Variants in EPS15 observed in about 807,000 individuals in gnomAD.
EPS15 encodes the protein epidermal growth factor receptor pathway substrate 15.
In EPS15, 72 loss-of-function variants were observed where a neutral mutation model predicts 113.8. That is an observed-to-expected ratio of 0.63 (90% CI 0.52 to 0.77). The LOEUF (loss-of-function observed/expected upper bound fraction) is 0.77. EPS15 is among the 30% of genes least tolerant of loss of function. EPS15 has a pLI of 0.00. For missense variants in EPS15, 1,048 were observed against 1,045.8 expected, an observed-to-expected ratio of 1.00 and a Z score of -0.03; for synonymous variants, 344 against 363.4, an observed-to-expected ratio of 0.95 and a Z score of 0.61.
intron 21 of EPS15, among the ~76,000 whole-genome samples, chr1:51,368,123 C>T (rs1646548521): frequency 6.6e-6 from 1 of 152,256 alleles, no homozygotes; most frequent in East Asian, 1.9e-4. Context: ...CAGAGCAAGA[C>T]TCCGTCTCAA....
chr1:51,356,513 T>C lies in EPS15; in HGVS notation c.*187A>G, dbSNP rs936348626. 2 of 464,006 alleles carry C rather than the reference T, an allele frequency of 4.3e-6. No individual in the cohort carries two copies. Among genetic ancestry groups the C allele is most frequent in the Non-Finnish European group, 7.2e-6 (2 of 277,842 alleles). The allele number at this position is 464,006 out of a possible 1,614,324, so 28.7% of individuals were successfully genotyped here. ...TTGTCTGACTGGGTTACGGCTTTTA[T>C]AAGAAAAAAAAAAAAAGACGAATCT... On this transcript the variant is annotated 3_prime_UTR_variant, in exon 25 of 25. Transcript: ENST00000371733.
At chr1:51,444,746 C>CAA (rs1333685761) in intron 11 of EPS15, 143 bp downstream of exon 11, 2 of 723,772 alleles carry the variant, frequency 2.8e-6, no homozygotes, top group African/African-American at 3.6e-5. Context: ...TTTATAGGCA[C>CAA]AAACTAAACC....
At chr1:51,508,290 A>AAGAGAGAG (rs375226658) in intron 1 of EPS15, among the ~76,000 whole-genome samples, 5 of 134,084 alleles carry the variant, frequency 3.7e-5, no homozygotes, top group Non-Finnish European at 5.0e-5. Context: ...GAAAGAGAGA[A>AAGAGAGAG]AGAGAGAGAG....
At chr1:51,507,072 G>C (rs1293163190) in intron 1 of EPS15, among the ~76,000 whole-genome samples, 1 of 152,088 alleles carries the variant, frequency 6.6e-6, no homozygotes, top group Non-Finnish European at 1.5e-5. Context: ...CCTTGCTGCT[G>C]TCTGCTTTAC....
chr1:51,480,838 AGGC>A (rs1644008190), intron 2 of EPS15, among the ~76,000 whole-genome samples: 1 of 152,162 alleles, frequency 6.6e-6, no homozygotes, highest in Non-Finnish European at 1.5e-5. Context: ...ATCTGACCAG[AGGC>A]TGTATATCTG....
At chr1:51,432,084 C>T (rs1651777998) in intron 12 of EPS15, among the ~76,000 whole-genome samples, 1 of 152,056 alleles carries the variant, frequency 6.6e-6, no homozygotes. Context: ...TCCAGTATGT[C>T]GGCAGAGACT....
At chr1:51,413,045 G>C (rs1649877843) in intron 13 of EPS15, among the ~76,000 whole-genome samples, 1 of 152,094 alleles carries the variant, frequency 6.6e-6, no homozygotes, top group African/African-American at 2.4e-5. Context: ...TTCAGTTCTG[G>C]GTTCTACCTT....
intron 13 of EPS15, among the ~76,000 whole-genome samples, chr1:51,411,028 T>C (rs1649670685): frequency 6.6e-6 from 1 of 152,168 alleles, no homozygotes; most frequent in Non-Finnish European, 1.5e-5. Flanking sequence ...AAGCTATGGA[T>C]TCAAAGTGGG....
chr1:51,453,658 T>A (rs1570339971), intron 8 of EPS15, among the ~76,000 whole-genome samples: 1 of 152,082 alleles, frequency 6.6e-6, no homozygotes, highest in African/African-American at 2.4e-5. Flanking sequence ...GTATAAAAAA[T>A]TTTATTAATA....
chr1:51,517,664 T>G (rs910559588), intron 1 of EPS15, among the ~76,000 whole-genome samples: 3 of 152,126 alleles, frequency 2.0e-5, no homozygotes, highest in Admixed American at 6.5e-5. Flanking sequence ...TTGTTCAAAT[T>G]TGAGTTTTGG....
At chr1:51,463,470 C>G (rs1459868487) in intron 7 of EPS15, 2 of 418,564 alleles carry the variant, frequency 4.8e-6, no homozygotes, top group Non-Finnish European at 8.5e-6. Context: ...ATTTCAACCA[C>G]TCATTTTTAC....
chr1:51,378,683 A>G (rs1646861034), intron 21 of EPS15, among the ~76,000 whole-genome samples: 1 of 152,224 alleles, frequency 6.6e-6, no homozygotes, highest in African/African-American at 2.4e-5. Context: ...ACGAATACAT[A>G]TAATTAACGA....
chr1:51,501,709 T>G (rs941008296), intron 1 of EPS15, among the ~76,000 whole-genome samples: 14 of 151,912 alleles, frequency 9.2e-5, no homozygotes, highest in African/African-American at 3.1e-4. Flanking sequence ...AAACTCCTGA[T>G]CTCAGGTGAT....
intron 21 of EPS15, among the ~76,000 whole-genome samples, chr1:51,381,797 C>T (rs956546917): frequency 3.3e-5 from 5 of 151,972 alleles, no homozygotes; most frequent in East Asian, 1.9e-4. Flanking sequence ...CCAAAACTAA[C>T]GGGATATAGC....
intron 18 of EPS15, chr1:51,401,233 C>T (rs1648522040): frequency 3.9e-6 from 1 of 256,814 alleles, no homozygotes; most frequent in African/African-American, 2.2e-5. Context: ...AGGGTATTAT[C>T]ATCACCAGTT....
At chr1:51,408,489 G>GA (rs1649355898) in intron 14 of EPS15, among the ~76,000 whole-genome samples, 157 bp from the exon 15 acceptor site, 1 of 152,146 alleles carries the variant, frequency 6.6e-6, no homozygotes, top group Non-Finnish European at 1.5e-5. Flanking sequence ...TTTTGAGAGA[G>GA]AGAGTCTTGC....
At chr1:51,452,093 C>T (rs756087904) in intron 8 of EPS15, among the ~76,000 whole-genome samples, 1 of 151,454 alleles carries the variant, frequency 6.6e-6, no homozygotes, top group Non-Finnish European at 1.5e-5. Context: ...GTTGCCCAGG[C>T]TGGTTGGTCT....
At chr1:51,391,864 A>C (rs1647401943) in intron 21 of EPS15, among the ~76,000 whole-genome samples, 1 of 152,224 alleles carries the variant, frequency 6.6e-6, no homozygotes, top group South Asian at 2.1e-4. Flanking sequence ...AGGTTTAGGA[A>C]GGAAAAATAG....
chr1:51,518,508 G>A (rs1299482147), intron 1 of EPS15: 2 of 152,944 alleles, frequency 1.3e-5, no homozygotes, highest in African/African-American at 4.8e-5. Flanking sequence ...GCTGCATTGG[G>A]GGTCTGACCC....
Sources: gnomAD v4.1 joint callset for allele counts (sites outside exome capture counted in the v4.1 genomes callset) on GRCh38, gnomAD v4.1.1 for gene constraint, MANE v1.5 for transcripts, NCBI Gene and HGNC (gene_info 2026-07-23, HGNC 2026-07-21) for gene names.